The following AKAP13 variants were observed in gnomAD, a reference collection of about 807,000 sequenced individuals.
The protein encoded by AKAP13 is A-kinase anchoring protein 13.
Under a neutral mutation model 264.5 loss-of-function variants are expected in AKAP13, and 80 were observed. The ratio of observed to expected loss-of-function variants is 0.30; its 90% CI spans 0.25 to 0.36. The LOEUF (loss-of-function observed/expected upper bound fraction) is 0.36. Ranked by LOEUF, AKAP13 falls within the 10% of genes least tolerant of loss-of-function variation. The pLI, the probability that AKAP13 is intolerant of heterozygous loss-of-function variation, is 1.00. For synonymous variants in AKAP13, 1,380 were observed against 1,250.2 expected (o/e 1.10, Z -2.19); for missense variants, 3,712 against 3,435.2 (o/e 1.08, Z -2.01).
intron 1 of AKAP13, among the ~76,000 whole-genome samples, chr15:85,458,063 C>G (rs1014328250): frequency 6.6e-6 from 1 of 151,628 alleles, no homozygotes; most frequent in Admixed American, 6.6e-5. Flanking sequence ...TTGCTTGAAC[C>G]CGGGAAGCAG....
At chr15:85,512,851 ATGT>A (rs2076481829) in intron 2 of AKAP13, among the ~76,000 whole-genome samples, 1 of 140,820 alleles carries the variant, frequency 7.1e-6, no homozygotes, top group Non-Finnish European at 1.6e-5. Flanking sequence ...GTATGTATGT[ATGT>A]ATGTATGTAT....
intron 8 of AKAP13, among the ~76,000 whole-genome samples, chr15:85,638,596 TTCAA>T (rs1443417721): frequency 6.6e-6 from 1 of 152,196 alleles, no homozygotes; most frequent in Non-Finnish European, 1.5e-5. Context: ...AAATTTAAAA[TTCAA>T]TCAAAGAGAA....
intron 1 of AKAP13, among the ~76,000 whole-genome samples, chr15:85,475,839 T>C (rs1206027033): frequency 6.6e-6 from 1 of 152,218 alleles, no homozygotes. Flanking sequence ...AAGCAGCTGA[T>C]GAATTTCTCT....
intron 1 of AKAP13, among the ~76,000 whole-genome samples, chr15:85,473,557 C>G (rs999898620): frequency 6.6e-6 from 1 of 152,172 alleles, no homozygotes; most frequent in African/African-American, 2.4e-5. Context: ...TGGTTCAGTG[C>G]TAGATTAGTC....
intron 10 of AKAP13, among the ~76,000 whole-genome samples, chr15:85,652,982 C>T (rs1047102847): frequency 1.3e-5 from 2 of 152,128 alleles, no homozygotes; most frequent in Admixed American, 6.5e-5. Context: ...AGCTCACATT[C>T]TGAGAAGGAC....
chr15:85,384,526 G>A (rs903745322), intron 1 of AKAP13, among the ~76,000 whole-genome samples: 7 of 152,092 alleles, frequency 4.6e-5, no homozygotes, highest in Non-Finnish European at 1.0e-4. Context: ...AGACCAGCCT[G>A]GCCAACATGG....
intron 30 of AKAP13, among the ~76,000 whole-genome samples, chr15:85,730,978 T>C (rs1017880861): frequency 4.0e-5 from 6 of 151,812 alleles, no homozygotes; most frequent in Admixed American, 1.3e-4. Context: ...TCTGACTGTT[T>C]TTTAATTAGT....
At chr15:85,424,173 G>A (rs900744490) in intron 1 of AKAP13, among the ~76,000 whole-genome samples, 1 of 152,176 alleles carries the variant, frequency 6.6e-6, no homozygotes, top group African/African-American at 2.4e-5. Flanking sequence ...TGTCCTTTGA[G>A]GTTTTGAAGC....
intron 1 of AKAP13, among the ~76,000 whole-genome samples, chr15:85,430,016 A>G (rs945952080): frequency 6.6e-6 from 1 of 152,234 alleles, no homozygotes; most frequent in Non-Finnish European, 1.5e-5. Flanking sequence ...AGAATGTCCA[A>G]TGTGGAAGTA....
intron 5 of AKAP13, among the ~76,000 whole-genome samples, chr15:85,572,712 T>TAGA (rs2078862768): frequency 1.3e-5 from 2 of 152,148 alleles, no homozygotes; most frequent in South Asian, 4.1e-4. Flanking sequence ...GATGCATGTG[T>TAGA]AGAACGTGCA....
intron 17 of AKAP13, among the ~76,000 whole-genome samples, chr15:85,699,998 C>T (rs16943365): frequency 0.061 from 9,276 of 152,248 alleles, 412 homozygotes; most frequent in Admixed American, 0.16. Flanking sequence ...GTGGCTGTAC[C>T]TTTCCATGAC....
chr15:85,434,723 C>T (rs1222091589), intron 1 of AKAP13, among the ~76,000 whole-genome samples: 1 of 152,172 alleles, frequency 6.6e-6, no homozygotes, highest in Non-Finnish European at 1.5e-5. Context: ...TGACACCTCA[C>T]ACGGCAGGGT....
intron 18 of AKAP13, among the ~76,000 whole-genome samples, chr15:85,709,664 T>A (rs1245432097): frequency 2.5e-5 from 1 of 39,818 alleles, no homozygotes; most frequent in East Asian, 4.4e-4. Context: ...GGGGGAATTT[T>A]ATTTTATTTT....
chr15:85,603,032 G>T (rs2080162204), intron 8 of AKAP13, among the ~76,000 whole-genome samples: 1 of 152,136 alleles, frequency 6.6e-6, no homozygotes, highest in Admixed American at 6.6e-5. Context: ...ATTTTCATTT[G>T]AAGTCTGAAT....
intron 1 of AKAP13, among the ~76,000 whole-genome samples, chr15:85,482,582 G>T (rs1195122490): frequency 6.6e-6 from 1 of 152,168 alleles, no homozygotes; most frequent in African/African-American, 2.4e-5. Context: ...ATTAGCAGGA[G>T]ATCCTCTTAC....
intron 15 of AKAP13, chr15:85,683,737 G>C (rs1388144813): frequency 1.3e-5 from 2 of 152,174 alleles, no homozygotes; most frequent in African/African-American, 4.8e-5. Context: ...CCAAAGTGCT[G>C]GGATTACAGG....
In AKAP13 at chr15:85,748,925, G is replaced by C. The variant is rs1378770927; in HGVS notation, c.*4248G>C. The C allele has an allele frequency of 6.6e-6, 1 of 152,526 alleles. No individual in the cohort carries two copies. The highest frequency in any genetic ancestry group is 2.4e-5 in the African/African-American group (1 of 41,466). The allele number at this position is 152,526 out of a possible 1,614,324, so 9.4% of individuals were successfully genotyped here. The stretch of plus-strand genomic sequence containing the variant: ...TCCCCTACCTTTCGTCACCACCTGA[G>C]GGCATGAGCACAGGCCATGGGGCGT... On this transcript the variant is annotated 3_prime_UTR_variant, in exon 37 of 37. Transcript: ENST00000394518.
rs567981173 is a variant in AKAP13, at chr15:85,490,715, A to G, written c.33+4962A>G. On this transcript the variant is annotated intron_variant, in intron 2 of 36. Transcript: ENST00000394518. ...AGCTGGGCAATTTATTCTTTTATTC[A>G]GGTGCCTTCTTTGTGCCAAGACCTG... 4.6e-5 allele frequency among the ~76,000 whole-genome samples: 7 copies of G among 152,308 alleles called. No individual in the cohort carries two copies. The South Asian group carries it at 1.0e-3, about 23-fold the overall frequency.
In AKAP13 at chr15:85,409,625, A is replaced by G. The variant is rs946827850; in HGVS notation, c.-12+28827A>G. 5.2e-5 allele frequency among the ~76,000 whole-genome samples: 7 copies of G among 134,562 alleles called. 1 individual carries two copies. Among genetic ancestry groups the G allele is most frequent in the African/African-American group, 2.1e-4 (7 of 32,882 alleles). 88.3% of individuals were successfully genotyped at this position (134,562 alleles called of 152,430 possible). On this transcript the variant is annotated intron_variant, in intron 1 of 36. Transcript: ENST00000394518. The stretch of plus-strand genomic sequence containing the variant: ...TATATTCTTTGATGCAGCTAGTAGT[A>G]GTTTTTTTTTTTTTTTTTTGAGACA...
Sources: gnomAD v4.1 joint callset for allele counts (sites outside exome capture counted in the v4.1 genomes callset) on GRCh38, gnomAD v4.1.1 for gene constraint, MANE v1.5 for transcripts, NCBI Gene and HGNC (gene_info 2026-07-23, HGNC 2026-07-21) for gene names.